EYS: variants seen among roughly 807,000 people sequenced by gnomAD.
EYS encodes the protein EGF-like photoreceptor maintenance factor, also known as protein eyes shut homolog.
EYS carries 250 observed loss-of-function variants against 282.1 expected under a neutral mutation model. That is an observed-to-expected ratio of 0.89 (90% confidence interval 0.80 to 0.98). The LOEUF is 0.98. Ranked by LOEUF, EYS falls within the 50% of genes least tolerant of loss-of-function variation. EYS has a pLI of 0.00. For synonymous variants in EYS, 1,355 were observed against 1,282.9 expected (o/e 1.06, Z -1.20); for missense variants, 4,016 against 3,709.0 (o/e 1.08, Z -2.15).
At chr6:64,740,216 T>C (rs1220293452) in intron 22 of EYS, among the ~76,000 whole-genome samples, 1 of 152,176 alleles carries the variant, frequency 6.6e-6, no homozygotes, top group Non-Finnish European at 1.5e-5. Flanking sequence ...AATACAGTTA[T>C]GAGCAGTTCT....
At chr6:64,123,391 C>G (rs11970465) in intron 31 of EYS, among the ~76,000 whole-genome samples, 4,616 of 152,172 alleles carry the variant, frequency 0.03, 201 homozygotes, top group African/African-American at 0.096. Context: ...TAAATTGATT[C>G]TTTTAGTTGA....
At chr6:64,222,824 G>A (rs1198579552) in intron 31 of EYS, among the ~76,000 whole-genome samples, 1 of 151,934 alleles carries the variant, frequency 6.6e-6, no homozygotes, top group Non-Finnish European at 1.5e-5. Context: ...AGGGACAATA[G>A]GCTGATTACA....
chr6:64,301,279 C>A (rs1048106116), intron 30 of EYS, among the ~76,000 whole-genome samples: 14 of 152,230 alleles, frequency 9.2e-5, no homozygotes, highest in Non-Finnish European at 1.6e-4. Flanking sequence ...GTTGCAAAAT[C>A]TCTTTTCTAT....
chr6:65,467,124 C>A (rs1452143420), intron 5 of EYS, among the ~76,000 whole-genome samples: 4 of 152,076 alleles, frequency 2.6e-5, no homozygotes, highest in Non-Finnish European at 5.9e-5. Flanking sequence ...ATTTTTAAAA[C>A]CATTATGTAT....
intron 30 of EYS, among the ~76,000 whole-genome samples, chr6:64,274,485 T>TTTTTTTTTGTTG (rs1201834387): frequency 2.0e-5 from 3 of 147,436 alleles, no homozygotes; most frequent in African/African-American, 7.7e-5. Flanking sequence ...CTGGCCGTTT[T>TTTTTTTTTGTTG]TTTTTTTTTT....
intron 36 of EYS, among the ~76,000 whole-genome samples, chr6:63,838,367 G>A (rs907833664): frequency 6.6e-6 from 1 of 152,038 alleles, no homozygotes; most frequent in African/African-American, 2.4e-5. Context: ...TTTGTTAAAC[G>A]TTTGCTAAAG....
intron 12 of EYS, among the ~76,000 whole-genome samples, chr6:65,268,536 A>T (rs1227507751): frequency 6.6e-6 from 1 of 152,124 alleles, no homozygotes; most frequent in East Asian, 1.9e-4. Flanking sequence ...ATAAAAATAG[A>T]GATCACAAGA....
At chr6:63,956,241 C>A (rs1464189930) in intron 35 of EYS, among the ~76,000 whole-genome samples, 1 of 145,746 alleles carries the variant, frequency 6.9e-6, no homozygotes, top group South Asian at 2.2e-4. Flanking sequence ...AGTGAAAATG[C>A]CTGGTTCCTG....
intron 22 of EYS, among the ~76,000 whole-genome samples, chr6:64,711,398 TACTA>T (rs1427318474): frequency 2.0e-5 from 3 of 152,212 alleles, no homozygotes; most frequent in Non-Finnish European, 4.4e-5. Context: ...TGAATTTTGT[TACTA>T]ACTTTCTTTA....
chr6:65,187,263 A>G (rs1411818195), intron 12 of EYS, among the ~76,000 whole-genome samples: 1 of 151,768 alleles, frequency 6.6e-6, no homozygotes, highest in Non-Finnish European at 1.5e-5. Flanking sequence ...ACCTTCAAAC[A>G]AGAGAAAAAG....
At chr6:63,953,333 T>G (rs998191614) in intron 35 of EYS, among the ~76,000 whole-genome samples, 2 of 152,160 alleles carry the variant, frequency 1.3e-5, no homozygotes, top group African/African-American at 4.8e-5. Context: ...TAATTAAATA[T>G]TTTGACAACC....
chr6:65,275,097 G>A (rs978956793), intron 12 of EYS, among the ~76,000 whole-genome samples: 1 of 152,122 alleles, frequency 6.6e-6, no homozygotes, highest in African/African-American at 2.4e-5. Flanking sequence ...CTGTCCCTTG[G>A]GTTGTATGAT....
At chr6:65,250,494 T>C (rs1163411102) in intron 12 of EYS, among the ~76,000 whole-genome samples, 1 of 151,914 alleles carries the variant, frequency 6.6e-6, no homozygotes, top group East Asian at 1.9e-4. Context: ...GCAGAGTAGA[T>C]TTTGTTCACC....
chr6:63,779,938 C>G (rs1035420697), intron 39 of EYS, among the ~76,000 whole-genome samples: 2 of 152,090 alleles, frequency 1.3e-5, no homozygotes, highest in Non-Finnish European at 2.9e-5. Flanking sequence ...TGATGTTCCC[C>G]ACCCTGTGTC....
chr6:65,299,363 A>G (rs1768751834), intron 11 of EYS, among the ~76,000 whole-genome samples: 1 of 152,162 alleles, frequency 6.6e-6, no homozygotes, highest in Non-Finnish European at 1.5e-5. Flanking sequence ...AGAAAATCAG[A>G]TATCAACACT....
chr6:63,773,061 C>T (rs1468178521), intron 40 of EYS, among the ~76,000 whole-genome samples: 1 of 151,984 alleles, frequency 6.6e-6, no homozygotes, highest in Non-Finnish European at 1.5e-5. Context: ...TATGTGAAGT[C>T]CTCCATTATA....
chr6:64,618,928 A>G (rs1562095120), intron 23 of EYS, among the ~76,000 whole-genome samples: 1 of 152,232 alleles, frequency 6.6e-6, no homozygotes, highest in African/African-American at 2.4e-5. Flanking sequence ...ATTGAGCATA[A>G]AAACATATTG....
At chr6:64,170,190 G>A (rs75371588) in intron 31 of EYS, among the ~76,000 whole-genome samples, 2,941 of 152,140 alleles carry the variant, frequency 0.019, 88 homozygotes, top group African/African-American at 0.067. Context: ...AAAATCATTT[G>A]CTGCCTTTTT....
chr6:65,213,747 T>C (rs1766237106), intron 12 of EYS, among the ~76,000 whole-genome samples: 3 of 152,114 alleles, frequency 2.0e-5, no homozygotes, highest in Admixed American at 6.6e-5. Context: ...GACACAACAA[T>C]AGTAAAATTA....
Sources: allele counts gnomAD v4.1 joint callset (sites outside exome capture counted in the v4.1 genomes callset), GRCh38; gene constraint gnomAD v4.1.1; transcripts MANE v1.5; gene names NCBI Gene and HGNC (gene_info 2026-07-23, HGNC 2026-07-21).